The following NNMT variants were observed in gnomAD, a reference collection of about 807,000 sequenced individuals.
NNMT encodes the protein nicotinamide N-methyltransferase.
In NNMT, 10 loss-of-function variants were observed where a neutral mutation model predicts 11.7. The ratio of observed to expected loss-of-function variants is 0.85; its 90% CI spans 0.53 to 1.45. The LOEUF (loss-of-function observed/expected upper bound fraction) is 1.45, where lower values mean the gene tolerates loss of function less well. NNMT is among the 40% of genes most tolerant of loss of function. NNMT has a pLI of 0.00. For missense variants in NNMT, 381 were observed against 319.4 expected, an observed-to-expected ratio of 1.19 and a Z score of -1.47; for synonymous variants, 143 against 133.8, an observed-to-expected ratio of 1.07 and a Z score of -0.48.
At chr11:114,308,371 C>T (rs1945511658) in intron 2 of NNMT, among the ~76,000 whole-genome samples, 1 of 152,076 alleles carries the variant, frequency 6.6e-6, no homozygotes, top group Admixed American at 6.6e-5. Context: ...AACAGCTTGT[C>T]AGGGAGATTC....
intron 2 of NNMT, among the ~76,000 whole-genome samples, chr11:114,266,419 GTCT>G (rs1001253000): frequency 1.1e-4 from 17 of 152,118 alleles, no homozygotes; most frequent in African/African-American, 4.1e-4. Flanking sequence ...CTTTCTGACC[GTCT>G]TCTTCCACTC....
chr11:114,308,779 A>G (rs1465652502), intron 2 of NNMT, among the ~76,000 whole-genome samples: 3 of 152,134 alleles, frequency 2.0e-5, no homozygotes, highest in Admixed American at 6.5e-5. Context: ...CCCGAGGTGT[A>G]TGCAGGCTTT....
intron 2 of NNMT, among the ~76,000 whole-genome samples, chr11:114,285,273 G>T (rs954022784): frequency 4.6e-5 from 7 of 152,112 alleles, no homozygotes; most frequent in Admixed American, 2.0e-4. Context: ...GTGTCTTTGT[G>T]GCTATGGATT....
intron 2 of NNMT, among the ~76,000 whole-genome samples, chr11:114,275,390 T>C (rs1328212133): frequency 6.6e-6 from 1 of 152,218 alleles, no homozygotes; most frequent in Non-Finnish European, 1.5e-5. Context: ...GACTTTCCAT[T>C]TCCCTTTGCA....
chr11:114,289,176 A>G (rs930124428), intron 2 of NNMT, among the ~76,000 whole-genome samples: 2 of 152,134 alleles, frequency 1.3e-5, no homozygotes, highest in Non-Finnish European at 2.9e-5. Flanking sequence ...TATAGGCATA[A>G]AGTTATTTGT....
upstream of NNMT, among the ~76,000 whole-genome samples, chr11:114,295,419 C>CTTTTTTTTTTTTTTTTTTTTTTTTTTT (rs35621813): frequency 1.2e-5 from 1 of 85,048 alleles, no homozygotes; most frequent in Non-Finnish European, 2.2e-5. Flanking sequence ...TTAAAGAATT[C>CTTTTTTTTTTTTTTTTTTTTTTTTTTT]TTTTTTTTTT....
intron 2 of NNMT, among the ~76,000 whole-genome samples, chr11:114,290,751 G>C (rs1172565810): frequency 6.6e-6 from 1 of 152,160 alleles, no homozygotes; most frequent in Non-Finnish European, 1.5e-5. Context: ...CTTTAGAGAG[G>C]ACGTACTAGT....
chr11:114,269,521 A>C (rs1204411591), intron 2 of NNMT: 1 of 152,152 alleles, frequency 6.6e-6, no homozygotes, highest in African/African-American at 2.4e-5. Context: ...GAAAAACATC[A>C]TTTTCAGCTC....
Position 114,312,387 on chromosome 11 carries a change from T to A in NNMT, c.705T>A (p.Phe235Leu), listed in dbSNP as rs755077437. 6.2e-7 allele frequency: 1 copy of A among 1,614,124 alleles called. No homozygotes were observed. The highest frequency in any genetic ancestry group is 1.3e-5 in the African/African-American group (1 of 74,944). Residue 235 changes from phenylalanine to leucine, a missense_variant, in exon 3 of 3, where the codon TTT (phenylalanine) becomes TTA (leucine). Physicochemically the swap from Phe to Leu is conservative, Grantham distance 22. Transcript: ENST00000299964. ...VKEAGYTIEW[F>L]EVISQSYSST... Reference sequence around the variant, plus strand: ...AGGCTGGCTACACAATCGAATGGTTTGAGGTGATCTCGCAAAGTTATTCTT... The same window carrying A: ...AGGCTGGCTACACAATCGAATGGTTAGAGGTGATCTCGCAAAGTTATTCTT...
At position 114,312,158 on chromosome 11, in the gene NNMT, G is replaced by A. The variant is rs1372242012; in HGVS notation, c.476G>A (p.Cys159Tyr). Residue 159 changes from cysteine to tyrosine, a missense_variant, in exon 3 of 3, where the codon TGC becomes TAC. Coordinates refer to ENST00000299964, the MANE Select transcript of NNMT (RefSeq NM_006169.3). ...GCCGTCCCCTTACCCCCGGCTGACT[G>A]CGTGCTCAGCACACTGTGTCTGGAT... ...LGAVPLPPAD[C>Y]VLSTLCLDAA... 6.2e-7 allele frequency: 1 copy of A among 1,614,056 alleles called. No individual in the cohort carries two copies. Among genetic ancestry groups the A allele is most frequent in the Non-Finnish European group, 8.5e-7 (1 of 1,180,022 alleles).
At chr11:114,264,866 G>A (rs1220598945) in intron 2 of NNMT, among the ~76,000 whole-genome samples, 1 of 152,236 alleles carries the variant, frequency 6.6e-6, no homozygotes, top group Non-Finnish European at 1.5e-5. Flanking sequence ...AGTATGGGAA[G>A]GGGCTTGGCA....
At chr11:114,276,828 C>T (rs1038458539) in intron 2 of NNMT, among the ~76,000 whole-genome samples, 2 of 152,228 alleles carry the variant, frequency 1.3e-5, no homozygotes, top group African/African-American at 4.8e-5. Flanking sequence ...GAGGTTTCCG[C>T]ATCAGGAGAC....
upstream of NNMT, among the ~76,000 whole-genome samples, chr11:114,294,257 C>T (rs943630334): frequency 4.6e-5 from 7 of 151,734 alleles, no homozygotes; most frequent in African/African-American, 1.7e-4. Context: ...CCGAGGTAGG[C>T]GGAACACCTG....
chr11:114,310,606 G>C (rs1945540573), intron 2 of NNMT, among the ~76,000 whole-genome samples: 1 of 152,218 alleles, frequency 6.6e-6, no homozygotes, highest in African/African-American at 2.4e-5. Context: ...GGCCATCTCT[G>C]CTGTCTGTCA....
chr11:114,295,008 C>T (rs539410921), upstream of NNMT, among the ~76,000 whole-genome samples: 3 of 152,268 alleles, frequency 2.0e-5, no homozygotes, highest in South Asian at 6.2e-4. Context: ...TGGAAAAAAC[C>T]GGTAGGGATT....
chr11:114,277,604 G>T (rs912619836), intron 2 of NNMT, among the ~76,000 whole-genome samples: 1 of 152,178 alleles, frequency 6.6e-6, no homozygotes, highest in Admixed American at 6.5e-5. Flanking sequence ...ATTCCCACAT[G>T]CTGAGACCTG....
In NNMT at chr11:114,283,116, T is replaced by C. The variant is rs574413119; in HGVS notation, c.-129-13312T>C. On this transcript the variant is annotated intron_variant, in intron 2 of 4. Coordinates refer to the NNMT transcript ENST00000535401. ...GCCTTGCTGGGGGCAATCTGGTGGT[T>C]CTTACTCAAATTAAATATGTGGATA... Among the ~76,000 whole-genome samples the C allele has an allele frequency of 3.9e-4, 60 of 152,244 alleles. 1 individual carries two copies. In the South Asian group the frequency reaches 0.012, roughly 32 times the overall value.
At chr11:114,309,885 G>A (rs1488337559) in intron 2 of NNMT, among the ~76,000 whole-genome samples, 5 of 152,128 alleles carry the variant, frequency 3.3e-5, no homozygotes, top group African/African-American at 1.2e-4. Context: ...ACAATATGTG[G>A]CCTTTTGGTT....
At chr11:114,277,973 T>C (rs1424310665) in intron 2 of NNMT, among the ~76,000 whole-genome samples, 1 of 152,230 alleles carries the variant, frequency 6.6e-6, no homozygotes, top group African/African-American at 2.4e-5. Flanking sequence ...AGTTCTGACA[T>C]CGGTAGTTTT....
Sources: gnomAD v4.1 joint callset for allele counts (sites outside exome capture counted in the v4.1 genomes callset) on GRCh38, gnomAD v4.1.1 for gene constraint, MANE v1.5 for transcripts, NCBI Gene and HGNC (gene_info 2026-07-23, HGNC 2026-07-21) for gene names.